CBFA2T2: variants seen among roughly 807,000 people sequenced by gnomAD.
CBFA2T2 encodes CBFA2/RUNX1 partner transcriptional co-repressor 2.
CBFA2T2 carries 11 observed loss-of-function variants against 62.2 expected under a neutral mutation model. The observed-to-expected ratio is 0.18, with a 90% CI of 0.11 to 0.29. The LOEUF is 0.29. CBFA2T2 is among the 10% of genes least tolerant of loss of function. CBFA2T2 has a pLI of 1.00. For synonymous variants in CBFA2T2, 295 were observed against 287.5 expected, an observed-to-expected ratio of 1.03 and a Z score of -0.27; for missense variants, 592 against 774.1, an observed-to-expected ratio of 0.76 and a Z score of 2.79.
chr20:33,506,444 T>C (rs991855276), intron 1 of CBFA2T2, among the ~76,000 whole-genome samples: 1 of 152,126 alleles, frequency 6.6e-6, no homozygotes, highest in Admixed American at 6.6e-5. Context: ...AAAAATCCAC[T>C]TCCTACACTA....
At chr20:33,510,922 A>C (rs532263179) in intron 1 of CBFA2T2, among the ~76,000 whole-genome samples, 1 of 152,294 alleles carries the variant, frequency 6.6e-6, no homozygotes, top group East Asian at 1.9e-4. Context: ...TGTTGGCTGC[A>C]TAAATGTCTT....
At chr20:33,520,478 T>C (rs1226154031) in intron 1 of CBFA2T2, among the ~76,000 whole-genome samples, 1 of 152,064 alleles carries the variant, frequency 6.6e-6, no homozygotes, top group Non-Finnish European at 1.5e-5. Flanking sequence ...GCTATTGAAC[T>C]GTCCTAAGTA....
intron 1 of CBFA2T2, among the ~76,000 whole-genome samples, chr20:33,545,005 T>C (rs373423187): frequency 0.069 from 8,887 of 128,692 alleles, 894 homozygotes; most frequent in African/African-American, 0.2. Flanking sequence ...TAGAATAGAA[T>C]AGAATAGAAC....
intron 1 of CBFA2T2, among the ~76,000 whole-genome samples, chr20:33,520,939 CACAT>C (rs1156332550): frequency 1.3e-5 from 2 of 148,890 alleles, no homozygotes; most frequent in East Asian, 3.9e-4. Context: ...CACCTGCCAT[CACAT>C]ACACACACAC....
At chr20:33,513,054 G>A (rs1337477759) in intron 1 of CBFA2T2, among the ~76,000 whole-genome samples, 5 of 151,834 alleles carry the variant, frequency 3.3e-5, no homozygotes, top group South Asian at 4.2e-4. Flanking sequence ...ACCCGGCCAC[G>A]TATGTATGTC....
intron 1 of CBFA2T2, among the ~76,000 whole-genome samples, chr20:33,583,579 C>G (rs185449387): frequency 6.6e-6 from 1 of 151,892 alleles, no homozygotes; most frequent in East Asian, 1.9e-4. Flanking sequence ...TTTCCAAAAA[C>G]GGATAATTAC....
At chr20:33,532,649 C>T (rs916950046) in intron 1 of CBFA2T2, among the ~76,000 whole-genome samples, 6 of 152,174 alleles carry the variant, frequency 3.9e-5, no homozygotes, top group African/African-American at 1.4e-4. Context: ...GCAACCAAAA[C>T]CAAGTTTGAA....
intron 1 of CBFA2T2, among the ~76,000 whole-genome samples, chr20:33,597,402 GGTTAT>G (rs2014938651): frequency 6.6e-6 from 1 of 152,126 alleles, no homozygotes; most frequent in Admixed American, 6.6e-5. Flanking sequence ...ACTACCTGGG[GGTTAT>G]GTTAAGACAG....
At chr20:33,537,499 G>A (rs1216595196) in intron 1 of CBFA2T2, among the ~76,000 whole-genome samples, 1 of 152,176 alleles carries the variant, frequency 6.6e-6, no homozygotes, top group Non-Finnish European at 1.5e-5. Context: ...GAGGGAGACC[G>A]TGGGCCGTGG....
At chr20:33,593,540 CT>C in intron 1 of CBFA2T2, among the ~76,000 whole-genome samples, 2 of 151,626 alleles carry the variant, frequency 1.3e-5, no homozygotes, top group South Asian at 4.2e-4. Context: ...TTACAGGCAC[CT>C]GCCACCACGC....
At position 33,645,437 on chromosome 20, in the gene CBFA2T2, C is replaced by G. The variant is rs2017018860; in HGVS notation, c.*791C>G. Reference sequence around the variant, plus strand: ...AGAATGAGGCTCAGTTGTGGATAGTCTGTTTTCTCTGAGCATGTTGGCCAA... The same window carrying G: ...AGAATGAGGCTCAGTTGTGGATAGTGTGTTTTCTCTGAGCATGTTGGCCAA... On this transcript the variant is annotated 3_prime_UTR_variant, in exon 11 of 11. Coordinates refer to ENST00000342704, the MANE Select transcript of CBFA2T2 (RefSeq NM_001032999.3). 2 of 152,164 alleles carry G rather than the reference C, an allele frequency of 1.3e-5. No individual in the cohort carries two copies. The highest frequency in any genetic ancestry group is 2.4e-5 in the African/African-American group (1 of 41,440). 9.4% of individuals were successfully genotyped at this position (152,164 alleles called of 1,614,324 possible). A position where few individuals can be genotyped will look rare whatever the true frequency, so the allele number is the denominator to read the frequency against.
intron 1 of CBFA2T2, among the ~76,000 whole-genome samples, chr20:33,592,487 GA>G (rs1223256129): frequency 6.7e-6 from 1 of 149,946 alleles, no homozygotes; most frequent in African/African-American, 2.5e-5. Context: ...GTTAATGCAT[GA>G]TATTATAAAA....
rs1290464392 is a variant in CBFA2T2 at position 33,647,734 on chromosome 20, A to C, written c.*3088A>C. On this transcript the variant is annotated 3_prime_UTR_variant, in exon 11 of 11. Coordinates refer to ENST00000342704, the MANE Select transcript of CBFA2T2 (RefSeq NM_001032999.3). Reference sequence around the variant, plus strand: ...TGGCTAAGGCTTAGGTTTGGTGTGCAGAGCCTGGCCTGCTCTTGTGGGCTG... The same window carrying C: ...TGGCTAAGGCTTAGGTTTGGTGTGCCGAGCCTGGCCTGCTCTTGTGGGCTG... The C allele has an allele frequency of 6.6e-6, 1 of 152,282 alleles. No homozygotes were observed. The highest frequency in any genetic ancestry group is 1.5e-5 in the Non-Finnish European group (1 of 68,058). The allele number at this position is 152,282 out of a possible 1,614,324, so 9.4% of individuals were successfully genotyped here.
rs915419213 is a variant in CBFA2T2 at position 33,490,260 on chromosome 20, G to A, written c.-8G>A. 7 of 1,241,432 alleles carry A rather than the reference G, an allele frequency of 5.6e-6. No individual in the cohort carries two copies. The South Asian group carries it at 2.2e-4, about 39-fold the overall frequency. The allele number at this position is 1,241,432 out of a possible 1,614,324, so 76.9% of individuals were successfully genotyped here. On this transcript the variant is annotated 5_prime_UTR_variant, in exon 1 of 11. Transcript: ENST00000342704. Reference sequence around the variant, plus strand: ...GAGGCGGGCGGCGCGCGGCGGCGGCGCTCGGCGATGGTAGGCGTCCCTGGA... The same window carrying A: ...GAGGCGGGCGGCGCGCGGCGGCGGCACTCGGCGATGGTAGGCGTCCCTGGA...
chr20:33,584,548 C>T (rs1224815105), intron 1 of CBFA2T2, among the ~76,000 whole-genome samples: 1 of 152,118 alleles, frequency 6.6e-6, no homozygotes, highest in African/African-American at 2.4e-5. Context: ...TGAGCCACCG[C>T]GCCCGGCCTT....
In CBFA2T2 at chr20:33,644,700, T is replaced by C; in HGVS notation, c.*54T>C. On this transcript the variant is annotated 3_prime_UTR_variant, in exon 11 of 11. Transcript: ENST00000342704. ...GCTCAGCACCACAGAGTGCTTGGGC[T>C]GAGGGACTGACTGTTGGAACCCGTG... The C allele has an allele frequency of 3.9e-6, 6 of 1,525,624 alleles. No homozygotes were observed. The South Asian group carries it at 6.3e-5, about 16-fold the overall frequency. The allele number at this position is 1,525,624 out of a possible 1,614,324, so 94.5% of individuals were successfully genotyped here. A position where few individuals can be genotyped will look rare whatever the true frequency, so the allele number is the denominator to read the frequency against.
chr20:33,593,390 G>A (rs1288507823), intron 1 of CBFA2T2, among the ~76,000 whole-genome samples: 1 of 129,228 alleles, frequency 7.7e-6, no homozygotes, highest in Non-Finnish European at 1.6e-5. Context: ...CTCTTGACTG[G>A]ATTTTTTTTT....
chr20:33,624,086 T>C (rs2016116760), intron 5 of CBFA2T2: 1 of 525,130 alleles, frequency 1.9e-6, no homozygotes, highest in South Asian at 2.9e-5. Flanking sequence ...ATTATTAATA[T>C]TTGCCAATGA....
chr20:33,560,254 A>G (rs1168153518), intron 1 of CBFA2T2, among the ~76,000 whole-genome samples: 1 of 152,164 alleles, frequency 6.6e-6, no homozygotes, highest in African/African-American at 2.4e-5. Flanking sequence ...TCTTCACAAC[A>G]TGGTAGCTGG....
Sources: gnomAD v4.1 joint callset for allele counts (sites outside exome capture counted in the v4.1 genomes callset) on GRCh38, gnomAD v4.1.1 for gene constraint, MANE v1.5 for transcripts, NCBI Gene and HGNC (gene_info 2026-07-23, HGNC 2026-07-21) for gene names.